Variants in TRPM3 observed in about 807,000 individuals in gnomAD.
TRPM3 encodes long transient receptor potential channel 3.
Under a neutral mutation model 181.2 loss-of-function variants are expected in TRPM3, and 77 were observed. The observed-to-expected ratio is 0.42, with a 90% confidence interval of 0.35 to 0.51. TRPM3 has a LOEUF of 0.51. Ranked by LOEUF, TRPM3 falls within the 20% of genes least tolerant of loss-of-function variation. TRPM3 has a pLI of 0.01. For missense variants in TRPM3, 1,759 were observed against 2,196.7 expected (o/e 0.80, Z 3.98); for synonymous variants, 745 against 796.4 (o/e 0.94, Z 1.09).
chr9:71,187,800 A>G (rs1403581456), intron 1 of TRPM3, among the ~76,000 whole-genome samples: 1 of 151,868 alleles, frequency 6.6e-6, no homozygotes, highest in African/African-American at 2.4e-5. Flanking sequence ...ATATATATGA[A>G]CATAGTTTTC....
intron 1 of TRPM3, among the ~76,000 whole-genome samples, chr9:71,162,597 A>T (rs1376539035): frequency 6.6e-6 from 1 of 152,176 alleles, no homozygotes; most frequent in African/African-American, 2.4e-5. Flanking sequence ...ATTAAATTAC[A>T]CAAGTGGAAT....
chr9:70,625,143 A>T lies in TRPM3; in HGVS notation c.1809+48T>A, dbSNP rs944185927. 2.1e-5 allele frequency: 34 copies of T among 1,603,264 alleles called. No homozygotes were observed. Among genetic ancestry groups the T allele is most frequent in the Non-Finnish European group, 2.9e-5 (34 of 1,172,948 alleles). On this transcript the variant is annotated intron_variant, in intron 14 of 25. Transcript: ENST00000677713. This position sits in a 1 kb window ranked among gnomAD's most constrained non-coding sequence, Gnocchi z 4.8. ...AAAGAAGCCACAACCCAAATCCCAT[A>T]CACCCTAGTCCTCCCAGGAAGGGCC...
intron 1 of TRPM3, among the ~76,000 whole-genome samples, chr9:71,348,207 A>G (rs72735823): frequency 0.017 from 2,574 of 152,338 alleles, 72 homozygotes; most frequent in South Asian, 0.099. Context: ...TAATTTAAAT[A>G]AATGTTAATT....
At chr9:70,793,421 AC>A (rs1195132655) in intron 6 of TRPM3, 7 of 152,806 alleles carry the variant, frequency 4.6e-5, no homozygotes, top group Admixed American at 4.1e-4. Flanking sequence ...GTGCCATTGC[AC>A]CAAAGCCTCA....
chr9:70,890,521 T>C (rs948001855), intron 1 of TRPM3, among the ~76,000 whole-genome samples: 15 of 152,092 alleles, frequency 9.9e-5, no homozygotes, highest in African/African-American at 3.1e-4. Flanking sequence ...CACCAAAGAA[T>C]AACGCTGTAG....
At chr9:70,865,653 C>T (rs1043273282) in intron 1 of TRPM3, among the ~76,000 whole-genome samples, 3 of 152,026 alleles carry the variant, frequency 2.0e-5, no homozygotes, top group African/African-American at 4.8e-5. Flanking sequence ...TCTGGTTGGT[C>T]CTCAGTACTT....
At chr9:71,358,412 G>C (rs1163834941) in intron 1 of TRPM3, among the ~76,000 whole-genome samples, 1 of 152,196 alleles carries the variant, frequency 6.6e-6, no homozygotes, top group East Asian at 1.9e-4. Context: ...CTGTCAGGCA[G>C]GGCTAAGTAA....
At chr9:71,374,024 G>A (rs527443029) in intron 1 of TRPM3, among the ~76,000 whole-genome samples, 31 of 152,240 alleles carry the variant, frequency 2.0e-4, no homozygotes, top group South Asian at 1.2e-3. Flanking sequence ...CAAAAAGCAC[G>A]ATAATCTCTA....
At chr9:70,675,521 A>T (rs1302593103) in intron 9 of TRPM3, among the ~76,000 whole-genome samples, 1 of 152,208 alleles carries the variant, frequency 6.6e-6, no homozygotes, top group Admixed American at 6.5e-5. Flanking sequence ...ATTTTGTCTG[A>T]AGATCAGAAA....
intron 1 of TRPM3, among the ~76,000 whole-genome samples, chr9:70,966,855 C>T (rs973354644): frequency 2.6e-5 from 4 of 151,990 alleles, no homozygotes; most frequent in Non-Finnish European, 4.4e-5. Flanking sequence ...TACCATATAA[C>T]AAACCTGCAC....
At chr9:70,897,807 G>T (rs887052179) in intron 1 of TRPM3, among the ~76,000 whole-genome samples, 5 of 152,176 alleles carry the variant, frequency 3.3e-5, no homozygotes, top group Admixed American at 3.3e-4. Context: ...CCTAATAGAA[G>T]AAATTCTCTT....
chr9:70,986,417 A>G (rs573234373), intron 1 of TRPM3, among the ~76,000 whole-genome samples: 9 of 152,320 alleles, frequency 5.9e-5, no homozygotes, highest in African/African-American at 2.2e-4. Flanking sequence ...TATTACTTAT[A>G]CTTTAATAAA....
chr9:71,087,821 G>A (rs2065534595), intron 1 of TRPM3, among the ~76,000 whole-genome samples: 1 of 152,054 alleles, frequency 6.6e-6, no homozygotes, highest in Non-Finnish European at 1.5e-5. Flanking sequence ...ACTTCAGCAA[G>A]AATACATGGT....
At chr9:71,049,266 C>T (rs1042083042) in intron 1 of TRPM3, among the ~76,000 whole-genome samples, 2 of 152,100 alleles carry the variant, frequency 1.3e-5, no homozygotes, top group Non-Finnish European at 2.9e-5. Context: ...GCAATATGAT[C>T]CCCTCCACAC....
chr9:71,388,130 T>C (rs1465392307), intron 1 of TRPM3, among the ~76,000 whole-genome samples: 3 of 152,046 alleles, frequency 2.0e-5, no homozygotes, highest in Admixed American at 1.3e-4. Flanking sequence ...TACATAGTTA[T>C]ACAACAAAAA....
chr9:71,055,528 G>A (rs1005536895), intron 1 of TRPM3, among the ~76,000 whole-genome samples: 12 of 152,186 alleles, frequency 7.9e-5, no homozygotes, highest in South Asian at 2.1e-4. Context: ...TGGCAGGAAA[G>A]TATTCAACAC....
chr9:70,925,635 C>G (rs2096713532), intron 1 of TRPM3, among the ~76,000 whole-genome samples: 1 of 151,866 alleles, frequency 6.6e-6, no homozygotes, highest in Admixed American at 6.6e-5. Flanking sequence ...TTCTTACTTC[C>G]CACCAATTAA....
intron 1 of TRPM3, among the ~76,000 whole-genome samples, chr9:70,969,756 T>TTATATATATATATATATATATATATA (rs78938143): frequency 3.8e-3 from 471 of 125,064 alleles, no homozygotes; most frequent in Admixed American, 6.2e-3. Context: ...CTGAATGATT[T>TTATATATATATATATATATATATATA]TATATATATA....
chr9:70,936,343 C>G (rs1007100454), intron 1 of TRPM3, among the ~76,000 whole-genome samples: 1 of 152,318 alleles, frequency 6.6e-6, no homozygotes, highest in Middle Eastern at 3.4e-3. Context: ...GAAGACCTGA[C>G]AGCCATGGAA....
Sources: gnomAD v4.1 joint callset for allele counts (sites outside exome capture counted in the v4.1 genomes callset) on GRCh38, gnomAD v4.1.1 for gene constraint, Gnocchi (gnomAD v3.1) non-coding constraint, MANE v1.5 for transcripts, NCBI Gene and HGNC (gene_info 2026-07-23, HGNC 2026-07-21) for gene names.